The following DLG2 variants were observed in gnomAD, a reference collection of about 807,000 sequenced individuals.
DLG2 encodes the protein disks large homolog 2.
Under a neutral mutation model 132.5 loss-of-function variants are expected in DLG2, and 45 were observed. That is an observed-to-expected ratio of 0.34 (90% CI 0.27 to 0.44). DLG2 has a LOEUF of 0.44. DLG2 is among the 20% of genes least tolerant of loss of function. The pLI is 1.00. For synonymous variants in DLG2, 424 were observed against 419.6 expected, an observed-to-expected ratio of 1.01 and a Z score of -0.13; for missense variants, 1,045 against 1,196.9, an observed-to-expected ratio of 0.87 and a Z score of 1.87.
At position 85,198,373 on chromosome 11, in the gene DLG2, A is replaced by T. The variant is rs559891408; in HGVS notation, c.187-43722T>A. On this transcript the variant is annotated intron_variant, in intron 4 of 27. Transcript: ENST00000376104. Reference sequence around the variant, plus strand: ...GAAAATTATGAAAATTCTCCCCACAAAAAGTATACATTTGGCACATCATTG... The same window carrying T: ...GAAAATTATGAAAATTCTCCCCACATAAAGTATACATTTGGCACATCATTG... 2.0e-5 allele frequency among the ~76,000 whole-genome samples: 3 copies of T among 152,310 alleles called. No individual in the cohort carries two copies. The South Asian group carries it at 6.2e-4, about 32-fold the overall frequency.
At chr11:84,524,653 C>G (rs188829421) in intron 7 of DLG2, among the ~76,000 whole-genome samples, 1 of 152,132 alleles carries the variant, frequency 6.6e-6, no homozygotes, top group Non-Finnish European at 1.5e-5. Context: ...CTTCCACCAT[C>G]TAGTGGCAAG....
At chr11:84,563,168 T>C (rs1182165360) in intron 6 of DLG2, among the ~76,000 whole-genome samples, 1 of 152,180 alleles carries the variant, frequency 6.6e-6, no homozygotes, top group African/African-American at 2.4e-5. Context: ...AATACATATA[T>C]GTTGAATATA....
intron 18 of DLG2, chr11:83,691,929 T>C (rs1488134550): frequency 1.3e-5 from 2 of 152,224 alleles, no homozygotes; most frequent in African/African-American, 4.8e-5. Flanking sequence ...TGGCAGGACA[T>C]GGACTACGTA....
At chr11:85,486,055 G>A (rs192847956) in intron 3 of DLG2, among the ~76,000 whole-genome samples, 21 of 152,082 alleles carry the variant, frequency 1.4e-4, no homozygotes, top group African/African-American at 3.6e-4. Flanking sequence ...CCCACAGTGC[G>A]CCATCTGAGA....
intron 6 of DLG2, among the ~76,000 whole-genome samples, chr11:84,713,649 G>A (rs2060694723): frequency 6.6e-6 from 1 of 152,048 alleles, no homozygotes; most frequent in African/African-American, 2.4e-5. Flanking sequence ...ATAAAGTAAA[G>A]ATGAAGAATG....
chr11:84,111,988 T>C (rs1185296747), intron 9 of DLG2, among the ~76,000 whole-genome samples: 1 of 152,086 alleles, frequency 6.6e-6, no homozygotes, highest in East Asian at 1.9e-4. Context: ...CATCTGAGAA[T>C]GACTTTTTTT....
At chr11:84,488,486 G>T (rs1296631062) in intron 7 of DLG2, among the ~76,000 whole-genome samples, 2 of 152,106 alleles carry the variant, frequency 1.3e-5, no homozygotes, top group African/African-American at 4.8e-5. Context: ...GGTTTTCCAA[G>T]CTGTGACTCA....
intron 6 of DLG2, among the ~76,000 whole-genome samples, chr11:84,540,742 G>C (rs145415549): frequency 6.6e-6 from 1 of 152,084 alleles, no homozygotes; most frequent in Non-Finnish European, 1.5e-5. Flanking sequence ...ACATGCACAC[G>C]TATGTTTATT....
intron 10 of DLG2, among the ~76,000 whole-genome samples, chr11:84,082,162 T>A (rs1265488803): frequency 6.6e-6 from 1 of 152,148 alleles, no homozygotes; most frequent in Non-Finnish European, 1.5e-5. Flanking sequence ...CATAACACAG[T>A]CATTTTATTT....
intron 6 of DLG2, among the ~76,000 whole-genome samples, chr11:85,019,816 C>T (rs560469074): frequency 2.6e-4 from 40 of 152,294 alleles, no homozygotes; most frequent in Middle Eastern, 3.4e-3. Context: ...TTTATAGCTG[C>T]ATAGTACTCC....
chr11:84,413,393 C>T (rs889069157), intron 7 of DLG2, among the ~76,000 whole-genome samples: 1 of 152,130 alleles, frequency 6.6e-6, no homozygotes, highest in African/African-American at 2.4e-5. Context: ...GAGGCATAAA[C>T]AAAGGCAGAA....
intron 6 of DLG2, among the ~76,000 whole-genome samples, chr11:84,845,814 G>A (rs2081392742): frequency 6.6e-6 from 1 of 151,624 alleles, no homozygotes; most frequent in East Asian, 1.9e-4. Context: ...TGAGTAGCTG[G>A]GACTAGAGAT....
At chr11:84,716,062 T>C (rs1164510435) in intron 6 of DLG2, among the ~76,000 whole-genome samples, 1 of 152,110 alleles carries the variant, frequency 6.6e-6, no homozygotes, top group East Asian at 1.9e-4. Context: ...TCCATACCCT[T>C]GACAACACTG....
At chr11:84,656,039 C>G (rs916514632) in intron 6 of DLG2, among the ~76,000 whole-genome samples, 2 of 152,034 alleles carry the variant, frequency 1.3e-5, no homozygotes, top group African/African-American at 2.4e-5. Flanking sequence ...TACCTTAGGT[C>G]AATTTTCATT....
intron 18 of DLG2, among the ~76,000 whole-genome samples, chr11:83,665,096 A>G (rs2075237991): frequency 6.6e-6 from 1 of 152,210 alleles, no homozygotes; most frequent in Non-Finnish European, 1.5e-5. Context: ...AATGCCTTGA[A>G]ACTTTAGATG....
intron 6 of DLG2, among the ~76,000 whole-genome samples, chr11:84,687,740 C>A (rs1377268458): frequency 6.6e-6 from 1 of 152,056 alleles, no homozygotes; most frequent in East Asian, 1.9e-4. Context: ...TCTTGAAGAT[C>A]ATAACTATAG....
At chr11:83,477,737 G>C (rs1437076980) in intron 22 of DLG2, among the ~76,000 whole-genome samples, 1 of 131,406 alleles carries the variant, frequency 7.6e-6, no homozygotes, top group Non-Finnish European at 1.8e-5. Flanking sequence ...TTGGTGAAAA[G>C]AGGGGTTTTT....
chr11:84,970,913 C>T (rs1469633707), intron 6 of DLG2, among the ~76,000 whole-genome samples: 3 of 152,156 alleles, frequency 2.0e-5, no homozygotes, highest in Non-Finnish European at 4.4e-5. Flanking sequence ...CTGGAGGAGT[C>T]TACCAACTCT....
At chr11:85,359,690 T>A (rs1015348667) in intron 3 of DLG2, among the ~76,000 whole-genome samples, 5 of 152,044 alleles carry the variant, frequency 3.3e-5, no homozygotes, top group African/African-American at 9.7e-5. Context: ...GCAATGCTCT[T>A]TAATAAGAAA....
Sources: allele counts gnomAD v4.1 joint callset (sites outside exome capture counted in the v4.1 genomes callset), GRCh38; gene constraint gnomAD v4.1.1; transcripts MANE v1.5; gene names NCBI Gene and HGNC (gene_info 2026-07-23, HGNC 2026-07-21).